THSD4: variants seen among roughly 807,000 people sequenced by gnomAD.
THSD4 encodes thrombospondin type 1 domain containing 4.
THSD4 carries 69 observed loss-of-function variants against 119.0 expected under a neutral mutation model. That is an observed-to-expected ratio of 0.58 (90% CI 0.48 to 0.71). THSD4 has a LOEUF of 0.71. THSD4 is among the 30% of genes least tolerant of loss of function. The probability of loss-of-function intolerance (pLI) is 0.00; values close to 1 mark genes in which losing one functional copy is unlikely to be tolerated. For synonymous variants in THSD4, 524 were observed against 540.4 expected, an observed-to-expected ratio of 0.97 and a Z score of 0.42; for missense variants, 1,393 against 1,391.1, an observed-to-expected ratio of 1.00 and a Z score of -0.02.
chr15:71,733,905 G>C (rs2053029804), intron 10 of THSD4: 1 of 108,548 alleles, frequency 9.2e-6, no homozygotes, highest in Admixed American at 1.0e-4. Flanking sequence ...GTGAGACTCT[G>C]TCTCCAAAAA....
chr15:71,139,227 A>G (rs1487896759), intron 1 of THSD4, among the ~76,000 whole-genome samples: 1 of 152,084 alleles, frequency 6.6e-6, no homozygotes, highest in Non-Finnish European at 1.5e-5. Context: ...TGAACAGTTT[A>G]CCCTGTGTTG....
intron 7 of THSD4, among the ~76,000 whole-genome samples, chr15:71,494,139 A>C (rs2047971711): frequency 6.6e-6 from 1 of 152,206 alleles, no homozygotes; most frequent in South Asian, 2.1e-4. Flanking sequence ...AGTCTTTTCA[A>C]TTTACACCTG....
intron 6 of THSD4, among the ~76,000 whole-genome samples, chr15:71,365,864 A>G (rs777416923): frequency 1.9e-4 from 29 of 152,154 alleles, no homozygotes; most frequent in South Asian, 4.1e-4. Flanking sequence ...TCCTAGGACC[A>G]CTGGAAGTTG....
At chr15:71,502,976 A>G (rs563256756) in intron 7 of THSD4, among the ~76,000 whole-genome samples, 8 of 152,322 alleles carry the variant, frequency 5.3e-5, no homozygotes, top group Middle Eastern at 3.4e-3. Context: ...GTTGCATTAT[A>G]TAGTGTAAGT....
intron 14 of THSD4, among the ~76,000 whole-genome samples, chr15:71,756,450 A>G (rs2053540071): frequency 6.6e-6 from 1 of 152,222 alleles, no homozygotes; most frequent in Non-Finnish European, 1.5e-5. Flanking sequence ...GATTCAAGGT[A>G]TCTGTAGGAC....
intron 5 of THSD4, among the ~76,000 whole-genome samples, chr15:71,243,946 A>G (rs1438953037): frequency 6.6e-6 from 1 of 151,582 alleles, no homozygotes; most frequent in East Asian, 1.9e-4. Context: ...CACTATACCC[A>G]GCTAATTTTT....
intron 15 of THSD4, 36 bp downstream of exon 15, chr15:71,758,111 A>T: frequency 1.3e-6 from 2 of 1,524,948 alleles, no homozygotes; most frequent in Non-Finnish European, 1.8e-6. Flanking sequence ...TGCCTGTGTC[A>T]GGCAAAAGGC....
chr15:71,173,631 A>G (rs1476107631), intron 3 of THSD4, among the ~76,000 whole-genome samples: 2 of 150,910 alleles, frequency 1.3e-5, no homozygotes, highest in African/African-American at 2.4e-5. Flanking sequence ...ATACATATAT[A>G]TGGACAATTT....
chr15:71,449,755 C>T (rs142200609), intron 7 of THSD4, among the ~76,000 whole-genome samples: 1,712 of 152,184 alleles, frequency 0.011, 15 homozygotes, highest in Middle Eastern at 0.027. Flanking sequence ...GTGAAAATAG[C>T]GTTTGAGAAG....
chr15:71,265,182 G>A (rs938206544), intron 6 of THSD4, among the ~76,000 whole-genome samples: 63 of 151,908 alleles, frequency 4.1e-4, no homozygotes, highest in African/African-American at 1.4e-3. Context: ...AAGTAGAAAC[G>A]GCTCCGGTCT....
At chr15:71,433,131 G>A (rs1259432146) in intron 7 of THSD4, among the ~76,000 whole-genome samples, 1 of 151,540 alleles carries the variant, frequency 6.6e-6, no homozygotes, top group Non-Finnish European at 1.5e-5. Context: ...GTTTTTTAAT[G>A]TGGAAGACGG....
chr15:71,371,272 A>T (rs2046043197), intron 6 of THSD4, among the ~76,000 whole-genome samples: 1 of 152,112 alleles, frequency 6.6e-6, no homozygotes, highest in African/African-American at 2.4e-5. Flanking sequence ...CATTTAGCCC[A>T]TTTACATTTA....
chr15:71,460,554 C>T (rs925187660), intron 7 of THSD4, among the ~76,000 whole-genome samples: 15 of 152,066 alleles, frequency 9.9e-5, no homozygotes, highest in African/African-American at 3.4e-4. Flanking sequence ...CAGAAGCTGA[C>T]GGTAATGCCC....
intron 6 of THSD4, among the ~76,000 whole-genome samples, chr15:71,410,045 T>A (rs2046664441): frequency 6.6e-6 from 1 of 152,174 alleles, no homozygotes; most frequent in Non-Finnish European, 1.5e-5. Flanking sequence ...AATTTAGCAT[T>A]TACTGAGCAC....
At chr15:71,653,169 A>C (rs2051125372) in intron 7 of THSD4, among the ~76,000 whole-genome samples, 1 of 152,210 alleles carries the variant, frequency 6.6e-6, no homozygotes, top group Admixed American at 6.5e-5. Flanking sequence ...TGCAATACAT[A>C]ATGATACTCC....
intron 6 of THSD4, among the ~76,000 whole-genome samples, chr15:71,335,758 G>A (rs570661743): frequency 2.0e-5 from 3 of 152,252 alleles, no homozygotes; most frequent in Non-Finnish European, 4.4e-5. Context: ...TCATGTTTCT[G>A]GTTTCTGGCT....
intron 11 of THSD4, 146 bp downstream of exon 11, chr15:71,738,153 G>A: frequency 8.6e-7 from 1 of 1,157,402 alleles, no homozygotes; most frequent in Non-Finnish European, 1.2e-6. Flanking sequence ...GGCGGGGTTG[G>A]GGGATGGTTT....
intron 10 of THSD4, among the ~76,000 whole-genome samples, chr15:71,736,577 TTCTCTGTCTCTCTTGCTCTCTTGG>T (rs1386692445): frequency 1.4e-5 from 2 of 145,368 alleles, no homozygotes; most frequent in African/African-American, 5.3e-5. Flanking sequence ...CTTACTCTGT[TTCTCTGTCTCTCTTGCTCTCTTGG>T]TCTCTGTCTC....
chr15:71,526,338 C>A (rs922913962), intron 7 of THSD4, among the ~76,000 whole-genome samples: 6 of 152,292 alleles, frequency 3.9e-5, no homozygotes, highest in Admixed American at 3.9e-4. Flanking sequence ...AATATTTCCT[C>A]TCTTAAATCA....
Sources: gnomAD v4.1 joint callset for allele counts (sites outside exome capture counted in the v4.1 genomes callset) on GRCh38, gnomAD v4.1.1 for gene constraint, MANE v1.5 for transcripts, NCBI Gene and HGNC (gene_info 2026-07-23, HGNC 2026-07-21) for gene names.